The following EMC2 variants were observed in gnomAD, a reference collection of about 807,000 sequenced individuals.
EMC2 encodes the protein ER membrane protein complex subunit 2, also known as TPR repeat protein 35.
A neutral mutation model predicts 51.6 loss-of-function variants in EMC2; 37 were observed. The observed-to-expected ratio is 0.72, with a 90% CI of 0.55 to 0.94. The LOEUF (loss-of-function observed/expected upper bound fraction) is 0.94, where lower values mean the gene tolerates loss of function less well. Ranked by LOEUF, EMC2 falls within the 40% of genes least tolerant of loss-of-function variation. The pLI is 0.00. For missense variants in EMC2, 359 were observed against 350.9 expected (o/e 1.02, Z -0.18); for synonymous variants, 131 against 112.4 (o/e 1.17, Z -1.04).
At chr8:108,449,427 C>G (rs978631386) in intron 1 of EMC2, among the ~76,000 whole-genome samples, 3 of 152,168 alleles carry the variant, frequency 2.0e-5, no homozygotes, top group African/African-American at 7.2e-5. Context: ...TGTGTGCCAC[C>G]ATAGTTGGCT....
chr8:108,461,894 C>T (rs577370170), intron 5 of EMC2, among the ~76,000 whole-genome samples: 10 of 152,168 alleles, frequency 6.6e-5, no homozygotes, highest in East Asian at 1.9e-4. Context: ...CTGCAACCTC[C>T]GCCTCCCGGG....
At chr8:108,445,045 C>T (rs1303126558) in intron 1 of EMC2, among the ~76,000 whole-genome samples, 1 of 152,110 alleles carries the variant, frequency 6.6e-6, no homozygotes, top group East Asian at 1.9e-4. Context: ...TATAGGTTTC[C>T]TAGATGATAG....
chr8:108,449,971 GC>G, intron 2 of EMC2, 35 bp downstream of exon 2: 2 of 817,764 alleles, frequency 2.4e-6, no homozygotes, highest in South Asian at 1.9e-5. Context: ...CTCAGTACAT[GC>G]CTCATTCATG....
At position 108,455,886 on chromosome 8, in the gene EMC2, A is replaced by C. The variant is rs145091173; in HGVS notation, c.319A>C (p.Ile107Leu). 6.3e-5 allele frequency: 82 copies of C among 1,294,542 alleles called. No individual in the cohort carries two copies. The highest frequency in any genetic ancestry group is 1.3e-4 in the South Asian group (9 of 70,976). 80.2% of individuals were successfully genotyped at this position (1,294,542 alleles called of 1,614,324 possible). Residue 107 changes from isoleucine to leucine, a missense_variant, in exon 5 of 11, where the codon ATA becomes CTA. Transcript: ENST00000220853. The stretch of plus-strand genomic sequence containing the variant: ...CTTTTTAAATAGATATGATGATGCT[A>C]TACAGCTATATGATAGGATTTTACA... ...FEAMERYDDA[I>L]QLYDRILQED...
Position 108,469,820 on chromosome 8 carries a change from C to T in EMC2, c.364-6C>T. On this transcript the variant is annotated splice_region_variant and splice_polypyrimidine_tract_variant and intron_variant, in intron 5 of 10. Transcript: ENST00000220853. ...GGCCTAATCCTTTATTAATGTCAAC[C>T]CACAGGCTGCAAGAAAGCGTAAGAT... The T allele has an allele frequency of 6.2e-7, 1 of 1,612,276 alleles. No individual in the cohort carries two copies. Among genetic ancestry groups the T allele is most frequent in the South Asian group, 1.1e-5 (1 of 90,962 alleles).
intron 4 of EMC2, among the ~76,000 whole-genome samples, chr8:108,454,481 C>T (rs1586177887): frequency 6.6e-6 from 1 of 152,104 alleles, no homozygotes; most frequent in African/African-American, 2.4e-5. Context: ...GGGCAAATAC[C>T]TTACAACAGA....
chr8:108,482,585 A>T (rs1811062901), intron 10 of EMC2, among the ~76,000 whole-genome samples: 1 of 133,224 alleles, frequency 7.5e-6, no homozygotes, highest in African/African-American at 3.0e-5. Context: ...TTAATTTTTA[A>T]TTTTTATTTT....
intron 1 of EMC2, among the ~76,000 whole-genome samples, chr8:108,444,599 C>G (rs185769179): frequency 6.6e-6 from 1 of 152,264 alleles, no homozygotes; most frequent in East Asian, 1.9e-4. Flanking sequence ...GACCTGAAAA[C>G]ATGTGGACCG....
chr8:108,443,803 A>G, intron 1 of EMC2, 105 bp downstream of exon 1: 4 of 997,852 alleles, frequency 4.0e-6, no homozygotes, highest in Non-Finnish European at 6.1e-6. Flanking sequence ...TCTTTTTGGT[A>G]CCAGAGCCCT....
intron 8 of EMC2, 94 bp from the exon 9 acceptor site, chr8:108,476,688 G>GT (rs1259126216): frequency 1.6e-6 from 1 of 624,664 alleles, no homozygotes; most frequent in Non-Finnish European, 2.9e-6. Flanking sequence ...GAGAATATCT[G>GT]TTTCGATTAC....
intron 9 of EMC2, among the ~76,000 whole-genome samples, chr8:108,477,940 T>A (rs1262059374): frequency 6.6e-6 from 1 of 152,044 alleles, no homozygotes; most frequent in African/African-American, 2.4e-5. Context: ...TTTAATTAAT[T>A]TGCCCAAAGA....
Position 108,445,569 on chromosome 8 carries a change from C to A in EMC2, c.40+1871C>A, listed in dbSNP as rs566204343. 1.4e-4 allele frequency among the ~76,000 whole-genome samples: 21 copies of A among 152,030 alleles called. 1 individual carries two copies. In the South Asian group the frequency reaches 4.4e-3, roughly 32 times the overall value. ...GCCTTACTTGACCACTCTACTACCC[C>A]CTTCCCTTTCCTCATCCCCCACCAA... On this transcript the variant is annotated intron_variant, in intron 1 of 10. Coordinates refer to ENST00000220853, the MANE Select transcript of EMC2 (RefSeq NM_014673.5).
chr8:108,484,753 G>A (rs1167998464), intron 10 of EMC2, among the ~76,000 whole-genome samples: 1 of 151,776 alleles, frequency 6.6e-6, no homozygotes, highest in Non-Finnish European at 1.5e-5. Flanking sequence ...CATAAATGGT[G>A]GTAAATGAAA....
chr8:108,475,840 T>A (rs748837194), intron 7 of EMC2, 42 bp from the exon 8 acceptor site: 45 of 1,142,918 alleles, frequency 3.9e-5, no homozygotes, highest in Admixed American at 6.3e-5. Context: ...GATAAAAATT[T>A]GTGACTTTAA....
At chr8:108,481,540 A>T (rs766564256) in intron 10 of EMC2, among the ~76,000 whole-genome samples, 2 of 152,184 alleles carry the variant, frequency 1.3e-5, no homozygotes, top group Admixed American at 6.6e-5. Context: ...TATGAGAAAC[A>T]GCTACTCAGA....
rs146265507 is a variant in EMC2 at position 108,459,109 on chromosome 8, C to G, written c.363+3179C>G. Among the ~76,000 whole-genome samples the G allele has an allele frequency of 5.3e-3, 812 of 152,256 alleles. 5 individuals are homozygous for G. The highest frequency in any genetic ancestry group is 0.018 in the African/African-American group (757 of 41,554). On this transcript the variant is annotated intron_variant, in intron 5 of 10. Coordinates refer to ENST00000220853, the MANE Select transcript of EMC2 (RefSeq NM_014673.5). Reference sequence around the variant, plus strand: ...CTTTTGCTCCAGTTTCCAACAAGTTCCTCATCTCCATCTGAGACCACCTCG... The same window carrying G: ...CTTTTGCTCCAGTTTCCAACAAGTTGCTCATCTCCATCTGAGACCACCTCG...
chr8:108,486,511 G>A lies in EMC2; in HGVS notation c.808-1G>A, dbSNP rs773740002. 6 of 1,130,820 alleles carry A rather than the reference G, an allele frequency of 5.3e-6. No homozygotes were observed. Among genetic ancestry groups the A allele is most frequent in the Admixed American group, 3.2e-5 (1 of 31,714 alleles). The allele number at this position is 1,130,820 out of a possible 1,614,324, so 70.0% of individuals were successfully genotyped here. A position where few individuals can be genotyped will look rare whatever the true frequency, so the allele number is the denominator to read the frequency against. On this transcript the variant is annotated splice_acceptor_variant, in intron 10 of 10. Transcript: ENST00000220853. LOFTEE classifies it high-confidence loss of function. The stretch of plus-strand genomic sequence containing the variant: ...AGCTTTTTTTTTTTTTTTTTAATTA[G>A]TTTGCAGGTCGAAGTAAGAAGGAAA...
intron 5 of EMC2, among the ~76,000 whole-genome samples, chr8:108,465,991 A>C (rs1819456151): frequency 6.6e-6 from 1 of 152,184 alleles, no homozygotes; most frequent in African/African-American, 2.4e-5. Flanking sequence ...ATGATGTGAT[A>C]ATGAAGAAAG....
intron 7 of EMC2, among the ~76,000 whole-genome samples, chr8:108,471,488 A>G (rs879594101): frequency 6.6e-6 from 1 of 151,884 alleles, no homozygotes; most frequent in Non-Finnish European, 1.5e-5. Flanking sequence ...CAAAAATTAC[A>G]TGTAATTCCA....
Sources: gnomAD v4.1 joint callset for allele counts (sites outside exome capture counted in the v4.1 genomes callset) on GRCh38, gnomAD v4.1.1 for gene constraint, MANE v1.5 for transcripts, NCBI Gene and HGNC (gene_info 2026-07-23, HGNC 2026-07-21) for gene names.